The following ABCB7 variants were observed in gnomAD, a reference collection of about 807,000 sequenced individuals.
ABCB7 encodes iron-sulfur clusters transporter ABCB7, mitochondrial.
A neutral mutation model predicts 54.4 loss-of-function variants in ABCB7; 7 were observed. That is an observed-to-expected ratio of 0.13 (90% CI 0.07 to 0.24). ABCB7 has a LOEUF of 0.24. ABCB7 is among the 10% of genes least tolerant of loss of function. ABCB7 has a pLI of 1.00. For synonymous variants in ABCB7, 218 were observed against 207.1 expected, an observed-to-expected ratio of 1.05 and a Z score of -0.45; for missense variants, 356 against 570.4, an observed-to-expected ratio of 0.62 and a Z score of 3.83.
intron 1 of ABCB7, among the ~76,000 whole-genome samples, chrX:75,128,060 G>C (rs747632434): frequency 3.6e-5 from 4 of 111,561 alleles, no homozygotes; most frequent in Non-Finnish European, 5.7e-5. Context: ...TTCCCATCAA[G>C]TTACCACTGA....
At chrX:75,097,451 C>A in intron 4 of ABCB7, 2 of 111,982 alleles carry the variant, frequency 1.8e-5, no homozygotes, top group Non-Finnish European at 3.8e-5. Context: ...TCATTTATGA[C>A]CTACCTTTTA....
At chrX:75,101,375 C>A (rs1234085050) in intron 3 of ABCB7, among the ~76,000 whole-genome samples, 2 of 109,941 alleles carry the variant, frequency 1.8e-5, no homozygotes, top group Non-Finnish European at 3.8e-5. Context: ...TAGGACTCAG[C>A]AAACTACTTT....
chrX:75,121,329 C>A (rs1288591463), intron 1 of ABCB7, among the ~76,000 whole-genome samples: 4 of 107,793 alleles, frequency 3.7e-5, no homozygotes, highest in African/African-American at 1.3e-4. Context: ...AAAAATTATT[C>A]TTGTTGGACA....
chrX:75,138,572 C>T (rs993419423), intron 1 of ABCB7, among the ~76,000 whole-genome samples: 1 of 112,149 alleles, frequency 8.9e-6, no homozygotes, highest in East Asian at 2.8e-4. Flanking sequence ...ACTTGACATA[C>T]AGAATAGCTT....
intron 1 of ABCB7, among the ~76,000 whole-genome samples, chrX:75,118,561 G>A (rs138604734): frequency 0.029 from 3,201 of 111,052 alleles, 116 homozygotes; most frequent in African/African-American, 0.1. Context: ...GGACTAAGAA[G>A]TAGATAAGAT....
chrX:75,070,669 C>T (rs1443593284), intron 9 of ABCB7, 147 bp from the exon 10 acceptor site: 4 of 597,023 alleles, frequency 6.7e-6, no homozygotes, highest in African/African-American at 2.2e-5. Flanking sequence ...AGCATTAATC[C>T]ACGATTTAGG....
chrX:75,082,395 C>T (rs187346166), intron 4 of ABCB7, among the ~76,000 whole-genome samples: 138 of 111,192 alleles, frequency 1.2e-3, no homozygotes, highest in Non-Finnish European at 2.3e-3. Context: ...TTAAGGAAAA[C>T]TAAGAGAATT....
At chrX:75,099,780 C>T (rs1224671296) in intron 3 of ABCB7, among the ~76,000 whole-genome samples, 1 of 110,067 alleles carries the variant, frequency 9.1e-6, no homozygotes, top group African/African-American at 3.3e-5. Context: ...TATTCTAAAA[C>T]TACTACATTA....
chrX:75,098,234 G>A (rs750097022), intron 4 of ABCB7, among the ~76,000 whole-genome samples: 23 of 108,896 alleles, frequency 2.1e-4, no homozygotes, highest in Non-Finnish European at 4.0e-4. Flanking sequence ...GCTTGAACCC[G>A]GGAGGCAGAG....
intron 8 of ABCB7, among the ~76,000 whole-genome samples, chrX:75,071,892 G>A (rs144548601): frequency 2.7e-5 from 3 of 110,912 alleles, no homozygotes; most frequent in African/African-American, 9.8e-5. Context: ...TTCACCCAAC[G>A]AATATTTACT....
chrX:75,148,317 ATGTC>A (rs1364389435), intron 1 of ABCB7, among the ~76,000 whole-genome samples: 1 of 110,812 alleles, frequency 9.0e-6, no homozygotes, highest in African/African-American at 3.3e-5. Context: ...ATATCAAACT[ATGTC>A]TGTGTATCCA....
At chrX:75,107,355 A>G (rs1263998374) in intron 3 of ABCB7, among the ~76,000 whole-genome samples, 3 of 111,351 alleles carry the variant, frequency 2.7e-5, no homozygotes, top group Non-Finnish European at 5.7e-5. Flanking sequence ...GGGTCACACA[A>G]CCTACTGAGA....
chrX:75,062,258 G>T, intron 14 of ABCB7, 70 bp downstream of exon 14: 1 of 941,541 alleles, frequency 1.1e-6, no homozygotes, highest in Non-Finnish European at 1.5e-6. Context: ...AAGTAATGCA[G>T]CCATTTTACT....
intron 15 of ABCB7, among the ~76,000 whole-genome samples, chrX:75,059,335 G>C (rs947588710): frequency 1.8e-5 from 2 of 109,920 alleles, no homozygotes; most frequent in Admixed American, 1.9e-4. Flanking sequence ...CTAGGTGTGT[G>C]GCACATGCCT....
intron 2 of ABCB7, 93 bp from the exon 3 acceptor site, chrX:75,113,065 T>G: frequency 1.3e-6 from 1 of 744,314 alleles, no homozygotes; most frequent in Non-Finnish European, 2.1e-6. Flanking sequence ...AATGAACGTT[T>G]CCAAAACAAA....
At chrX:75,109,486 G>GA (rs1008685383) in intron 3 of ABCB7, among the ~76,000 whole-genome samples, 6 of 105,837 alleles carry the variant, frequency 5.7e-5, no homozygotes, top group Admixed American at 1.0e-4. Flanking sequence ...TGAAGAGTAA[G>GA]AAAAAAAAAA....
At chrX:75,128,513 C>CT (rs2081951108) in intron 1 of ABCB7, among the ~76,000 whole-genome samples, 2 of 111,797 alleles carry the variant, frequency 1.8e-5, no homozygotes, top group African/African-American at 6.5e-5. Flanking sequence ...AAAACCTAGG[C>CT]AATACCATTC....
chrX:75,093,276 A>G (rs144127721), intron 4 of ABCB7, among the ~76,000 whole-genome samples: 3,206 of 111,762 alleles, frequency 0.029, 115 homozygotes, highest in African/African-American at 0.1. Context: ...CACACAATGA[A>G]TATCTTGAAA....
intron 1 of ABCB7, among the ~76,000 whole-genome samples, chrX:75,125,639 C>A (rs1446720918): frequency 9.0e-6 from 1 of 110,639 alleles, no homozygotes; most frequent in African/African-American, 3.3e-5. Flanking sequence ...TTTTTAAATT[C>A]TTAGTTTAAT....
Sources: allele counts gnomAD v4.1 joint callset (sites outside exome capture counted in the v4.1 genomes callset), GRCh38; gene constraint gnomAD v4.1.1; transcripts MANE v1.5; gene names NCBI Gene and HGNC (gene_info 2026-07-23, HGNC 2026-07-21).